FNDC7: variants seen among roughly 807,000 people sequenced by gnomAD.
The protein encoded by FNDC7 is fibronectin type III domain containing 7, also known as fibronectin type III domain-containing protein 7.
A neutral mutation model predicts 74.2 loss-of-function variants in FNDC7; 66 were observed. The observed-to-expected ratio is 0.89, with a 90% confidence interval of 0.73 to 1.09. The LOEUF (loss-of-function observed/expected upper bound fraction) is 1.09. Among genes scored for constraint, FNDC7 ranks in the 50% least tolerant of loss-of-function variants. The pLI is 0.00. For synonymous variants in FNDC7, 307 were observed against 330.2 expected (o/e 0.93, Z 0.76); for missense variants, 829 against 893.4 (o/e 0.93, Z 0.92).
At chr1:108,721,434 A>G (rs1661089776) in intron 4 of FNDC7, among the ~76,000 whole-genome samples, 1 of 151,862 alleles carries the variant, frequency 6.6e-6, no homozygotes. Context: ...GCGACACTGC[A>G]CTCCAGCCTG....
Position 108,737,638 on chromosome 1 carries a change from C to A in FNDC7, c.2170+114C>A, listed in dbSNP as rs540737515. 6 of 759,182 alleles carry A rather than the reference C, an allele frequency of 7.9e-6. No individual in the cohort carries two copies. In the South Asian group the frequency reaches 9.2e-5, roughly 12 times the overall value. The allele number at this position is 759,182 out of a possible 1,614,324, so 47.0% of individuals were successfully genotyped here. A position where few individuals can be genotyped will look rare whatever the true frequency, so the allele number is the denominator to read the frequency against. On this transcript the variant is annotated intron_variant, in intron 11 of 12. Coordinates refer to ENST00000370017, the MANE Select transcript of FNDC7 (RefSeq NM_001144937.3). ...AAGCAAATGCTTTCTTTCTTTGATA[C>A]AAGGGGCTCCTGCTCTCTTATCCCA...
intron 2 of FNDC7, among the ~76,000 whole-genome samples, chr1:108,715,326 A>G (rs1660949869): frequency 6.6e-6 from 1 of 152,174 alleles, no homozygotes; most frequent in African/African-American, 2.4e-5. Context: ...TAGGGAATAA[A>G]GTTTTCTCTT....
Position 108,737,502 on chromosome 1 carries a change from C to T in FNDC7, c.2148C>T (p.Cys716=), listed in dbSNP as rs761267206. The T allele has an allele frequency of 3.8e-6, 6 of 1,588,964 alleles. No individual in the cohort carries two copies. Among genetic ancestry groups the T allele is most frequent in the South Asian group, 2.3e-5 (2 of 86,190 alleles). ...FCPKKIYSVT[C]SGSTLGMVIY... ...CTTGTGTTTTTATTACAGTAACTTG[C>T]TCTGGAAGTACACTTGGAATGGGTA... The change falls in exon 11 of 13, where the codon TGC becomes TGT. Residue 716 remains cysteine (C), a synonymous_variant. Coordinates refer to ENST00000370017, the MANE Select transcript of FNDC7 (RefSeq NM_001144937.3).
At chr1:108,732,307 C>T (rs1302546890) in intron 9 of FNDC7, among the ~76,000 whole-genome samples, 1 of 140,922 alleles carries the variant, frequency 7.1e-6, no homozygotes, top group Admixed American at 7.6e-5. Context: ...TGCAGTGAGC[C>T]GACCAGCCTG....
At chr1:108,724,512 A>G (rs1661162902) in intron 5 of FNDC7, among the ~76,000 whole-genome samples, 1 of 151,972 alleles carries the variant, frequency 6.6e-6, no homozygotes, top group Admixed American at 6.6e-5. Flanking sequence ...TCAACACTTC[A>G]GGAGGCCGAG....
chr1:108,741,550 G>A (rs983462249), intron 11 of FNDC7, among the ~76,000 whole-genome samples: 1 of 152,146 alleles, frequency 6.6e-6, no homozygotes. Context: ...ACTCTGGGAG[G>A]GTTCATTTGG....
At chr1:108,720,741 A>G (rs1201729891) in intron 4 of FNDC7, among the ~76,000 whole-genome samples, 1 of 152,120 alleles carries the variant, frequency 6.6e-6, no homozygotes, top group African/African-American at 2.4e-5. Context: ...TTTTCCCTAT[A>G]TATGTGTATC....
At chr1:108,739,466 C>A (rs1661587850) in intron 11 of FNDC7, among the ~76,000 whole-genome samples, 1 of 152,178 alleles carries the variant, frequency 6.6e-6, no homozygotes, top group African/African-American at 2.4e-5. Flanking sequence ...TATGATAGCA[C>A]CACTGCGCTC....
At chr1:108,741,011 T>A (rs1309921994) in intron 11 of FNDC7, among the ~76,000 whole-genome samples, 3 of 152,236 alleles carry the variant, frequency 2.0e-5, no homozygotes, top group Non-Finnish European at 4.4e-5. Flanking sequence ...CAGCATCAGC[T>A]GGGAACCTCT....
At chr1:108,719,190 T>C (rs1661040370) in intron 4 of FNDC7, 141 bp downstream of exon 4, 2 of 927,968 alleles carry the variant, frequency 2.2e-6, no homozygotes, top group East Asian at 5.3e-5. Flanking sequence ...ATAAAGTTAT[T>C]TATAGTGCCT....
At chr1:108,740,941 T>G (rs1342536952) in intron 11 of FNDC7, among the ~76,000 whole-genome samples, 1 of 152,260 alleles carries the variant, frequency 6.6e-6, no homozygotes, top group Admixed American at 6.5e-5. Context: ...ATTTTAACCT[T>G]GGTCCTCATA....
intron 10 of FNDC7, among the ~76,000 whole-genome samples, chr1:108,735,468 T>C (rs1661488443): frequency 6.6e-6 from 1 of 152,116 alleles, no homozygotes; most frequent in African/African-American, 2.4e-5. Flanking sequence ...TTATAATCTG[T>C]CCCCTGTCTA....
At position 108,725,921 on chromosome 1, in the gene FNDC7, G is replaced by A. The variant is rs749462610; in HGVS notation, c.1028G>A (p.Cys343Tyr). The A allele has an allele frequency of 9.9e-6, 16 of 1,614,056 alleles. No homozygotes were observed. The highest frequency in any genetic ancestry group is 1.4e-5 in the Non-Finnish European group (16 of 1,180,030). ...SLTQCNFLSE[C>Y]GFTYFISVFV... is the part of the protein sequence containing the mutation. The stretch of plus-strand genomic sequence containing the variant: ...ACTCAGTGCAACTTCTTATCTGAGT[G>A]TGGCTTCACTTATTTTATTAGTGTT... The change falls in exon 6 of 13, where the codon TGT becomes TAT. Residue 343 changes from cysteine (C) to tyrosine (Y), a missense_variant. Cys to Tyr is a radical substitution (Grantham distance 194). Transcript: ENST00000370017.
Position 108,717,956 on chromosome 1 carries a change from T to C in FNDC7, c.262T>C (p.Trp88Arg), listed in dbSNP as rs370098337. 2.8e-5 allele frequency: 44 copies of C among 1,551,590 alleles called. No homozygotes were observed. The highest frequency in any genetic ancestry group is 3.7e-5 in the Non-Finnish European group (42 of 1,147,006). ...TGTGACGGGACTAAAGGCTGCAACCTGGTATGAAATCACCATCAGATCCAT... is the reference window on the plus strand; with the variant it reads ...TGTGACGGGACTAAAGGCTGCAACCCGGTATGAAATCACCATCAGATCCAT... ...GTVTGLKAAT[W>R]YEITIRSISA... Residue 88 changes from tryptophan to arginine, a missense_variant, in exon 3 of 13, where the codon TGG (tryptophan) becomes CGG (arginine). By Grantham distance (101) the Trp-to-Arg change is moderately radical (BLOSUM62 -3). Transcript: ENST00000370017.
At chr1:108,733,598 A>G (rs908262648) in intron 10 of FNDC7, 66 bp downstream of exon 10, 6 of 1,518,060 alleles carry the variant, frequency 4.0e-6, no homozygotes, top group Non-Finnish European at 4.5e-6. Flanking sequence ...TTAAGATGCA[A>G]TCAAACTTAT....
Position 108,728,823 on chromosome 1 carries a change from A to G in FNDC7, c.1561A>G (p.Thr521Ala). ...GCCCTGTGGCTCAGTGTTCTCTGTC[A>G]CTGCTGTGGCCGAAACACAGGCAGG... ...GLPCGSVFSV[T>A]AVAETQAGRS... Residue 521 changes from threonine (T) to alanine (A), a missense_variant, in exon 8 of 13, where the codon ACT (threonine) becomes GCT (alanine). Thr to Ala is a moderately conservative substitution (Grantham distance 58). Transcript: ENST00000370017. The G allele has an allele frequency of 1.2e-6, 2 of 1,614,224 alleles. No homozygotes were observed. The highest frequency in any genetic ancestry group is 1.7e-6 in the Non-Finnish European group (2 of 1,180,052).
At position 108,730,837 on chromosome 1, in the gene FNDC7, C is replaced by T. The variant is rs1336120719; in HGVS notation, c.1788C>T (p.Cys596=). The T allele has an allele frequency of 1.2e-6, 2 of 1,614,056 alleles. No individual in the cohort carries two copies. Among genetic ancestry groups the T allele is most frequent in the African/African-American group, 2.7e-5 (2 of 75,034 alleles). ...HTHQNHCLLG[C]ITCGINYTVT... is the part of the protein sequence containing the mutation. ...ATCAAAACCACTGCCTCCTAGGATGCATCACATGTGGCATCAATTACACAG... is the reference window on the plus strand; with the variant it reads ...ATCAAAACCACTGCCTCCTAGGATGTATCACATGTGGCATCAATTACACAG... The change falls in exon 9 of 13, where the codon TGC becomes TGT. Residue 596 remains cysteine (C), a synonymous_variant. Coordinates refer to ENST00000370017, the MANE Select transcript of FNDC7 (RefSeq NM_001144937.3).
intron 11 of FNDC7, among the ~76,000 whole-genome samples, chr1:108,739,391 C>T (rs888728746): frequency 6.6e-6 from 1 of 152,104 alleles, no homozygotes; most frequent in Non-Finnish European, 1.5e-5. Flanking sequence ...CCCTGTAGTC[C>T]CAGCTACTTG....
intron 11 of FNDC7, 87 bp from the exon 12 acceptor site, chr1:108,741,686 C>T (rs1661651489): frequency 2.2e-6 from 3 of 1,342,150 alleles, no homozygotes; most frequent in Admixed American, 1.8e-5. Flanking sequence ...TCAACATACA[C>T]ATAAAATCTC....
Sources: allele counts gnomAD v4.1 joint callset (sites outside exome capture counted in the v4.1 genomes callset), GRCh38; gene constraint gnomAD v4.1.1; transcripts MANE v1.5; gene names NCBI Gene and HGNC (gene_info 2026-07-23, HGNC 2026-07-21).